The following THBS4 variants were observed in gnomAD, a reference collection of about 807,000 sequenced individuals.
The protein encoded by THBS4 is thrombospondin-4.
A neutral mutation model predicts 115.7 loss-of-function variants in THBS4; 90 were observed. The observed-to-expected ratio is 0.78, with a 90% CI of 0.66 to 0.93. The LOEUF is 0.93. THBS4 is among the 40% of genes least tolerant of loss of function. The pLI, the probability that THBS4 is intolerant of heterozygous loss-of-function variation, is 0.00. For synonymous variants in THBS4, 460 were observed against 479.3 expected (o/e 0.96, Z 0.53); for missense variants, 1,087 against 1,232.7 (o/e 0.88, Z 1.77).
chr5:80,068,422 G>A, intron 10 of THBS4: 1 of 331,352 alleles, frequency 3.0e-6, no homozygotes, highest in Non-Finnish European at 5.6e-6. Flanking sequence ...TCTATGGAAA[G>A]GCCCAGAAGC....
intron 2 of THBS4, among the ~76,000 whole-genome samples, chr5:80,042,780 A>G (rs1345144203): frequency 6.6e-6 from 1 of 152,146 alleles, no homozygotes; most frequent in African/African-American, 2.4e-5. Context: ...AGCATGGCCA[A>G]CATGGAGAAA....
chr5:79,993,511 A>T (rs1831730529), intron 1 of THBS4, among the ~76,000 whole-genome samples: 1 of 152,208 alleles, frequency 6.6e-6, no homozygotes, highest in East Asian at 1.9e-4. Flanking sequence ...TCAGATTCCT[A>T]CCGGGAAGAA....
intron 2 of THBS4, among the ~76,000 whole-genome samples, chr5:80,007,555 A>G (rs1321702154): frequency 6.6e-6 from 1 of 152,256 alleles, no homozygotes; most frequent in Non-Finnish European, 1.5e-5. Flanking sequence ...TCCTGTCTGC[A>G]GAACGTGGCT....
At chr5:80,004,096 A>T (rs1047763850) in intron 2 of THBS4, among the ~76,000 whole-genome samples, 1 of 152,182 alleles carries the variant, frequency 6.6e-6, no homozygotes, top group Non-Finnish European at 1.5e-5. Context: ...TCCTAGTCAG[A>T]TTCCTCAGTT....
At position 80,070,809 on chromosome 5, in the gene THBS4, G is replaced by A. The variant is rs17882708; in HGVS notation, c.1560+59G>A. 4.0e-3 allele frequency: 6,378 copies of A among 1,590,236 alleles called. 206 individuals carry two copies. In the African/African-American group the frequency reaches 0.067, roughly 17 times the overall value. On this transcript the variant is annotated intron_variant, in intron 12 of 21. Transcript: ENST00000350881. ...CACGTACCAGGGATGATGGGAGAAA[G>A]CCTGTGATGTCAACTATGTATATGA...
rs1180052773 is a variant in THBS4 at position 80,078,109 on chromosome 5, T to C, written c.2147T>C (p.Ile716Thr). 6.2e-7 allele frequency: 1 copy of C among 1,611,296 alleles called. No homozygotes were observed. The highest frequency in any genetic ancestry group is 8.5e-7 in the Non-Finnish European group (1 of 1,178,210). The change falls in exon 17 of 22, where the codon ATC (isoleucine) becomes ACC (threonine). Residue 716 changes from isoleucine to threonine, a missense_variant. Ile to Thr is a moderately conservative substitution (Grantham distance 89, BLOSUM62 -1). Around this residue, in one of 3 missense-constraint regions of THBS4, gnomAD observed 979 missense variants for 1,103.7 expected, o/e 0.89. Transcript: ENST00000350881. ...DFDQDQVIDR[I>T]DVCPENAEVT... ...GACCAGGACCAGGTCATCGATCGGATCGACGTCTGCCCAGAGAACGCAGAG... is the reference window on the plus strand; with the variant it reads ...GACCAGGACCAGGTCATCGATCGGACCGACGTCTGCCCAGAGAACGCAGAG...
rs774621535 is a variant in THBS4 at position 80,068,106 on chromosome 5, AG to A, written c.1333del (p.Asp445MetfsTer2). 2.5e-6 allele frequency: 4 copies of A among 1,614,066 alleles called. No homozygotes were observed. The South Asian group carries it at 4.4e-5, about 18-fold the overall frequency. ...AATGCCCAGTGCATTGAAGAGAGGC[AG>A]GGGGATGTGACATGTGTGGTAAGTT... The part of the protein sequence containing the change: ...SVNAQCIEER[Q>X]GDVTCVCGVG... On this transcript the variant is annotated frameshift_variant, in exon 10 of 22. Coordinates refer to ENST00000350881, the MANE Select transcript of THBS4 (RefSeq NM_003248.6). LOFTEE classifies it high-confidence loss of function.
chr5:80,026,055 A>C (rs1285469873), intron 2 of THBS4, among the ~76,000 whole-genome samples: 1 of 152,242 alleles, frequency 6.6e-6, no homozygotes. Context: ...TACCAATGGA[A>C]TTTAACGTTC....
intron 2 of THBS4, among the ~76,000 whole-genome samples, chr5:80,040,748 T>G (rs903119009): frequency 6.6e-6 from 1 of 152,204 alleles, no homozygotes; most frequent in Non-Finnish European, 1.5e-5. Flanking sequence ...TACCGGAGAC[T>G]GGGTAATTTA....
chr5:80,073,320 C>T lies in THBS4; in HGVS notation c.1885C>T (p.Gln629Ter), dbSNP rs745310807. 9.3e-6 allele frequency: 15 copies of T among 1,613,516 alleles called. No individual in the cohort carries two copies. The East Asian group carries it at 2.7e-4, about 29-fold the overall frequency. ...DLVGDSCDTN[Q>*]DSDGDGHQDS... ...GGTTGGGGACTCCTGTGACACCAAT[C>T]AGGACAGGTATGGCATGTCTCCCAA... The change falls in exon 15 of 22, where the codon CAG becomes TAG. Residue 629 changes from glutamine (Q) to a stop codon, truncating the protein, a stop_gained. Transcript: ENST00000350881. LOFTEE classifies it high-confidence loss of function.
intron 2 of THBS4, among the ~76,000 whole-genome samples, chr5:80,003,719 C>T (rs922341528): frequency 1.3e-5 from 2 of 152,224 alleles, no homozygotes; most frequent in Non-Finnish European, 2.9e-5. Flanking sequence ...GAAGCAGATG[C>T]CTTCGCCAAA....
In THBS4 at chr5:80,035,551, G is replaced by A. The variant is rs762556040; in HGVS notation, c.14G>A (p.Arg5His). The A allele has an allele frequency of 7.1e-6, 10 of 1,411,566 alleles. No individual in the cohort carries two copies. In the African/African-American group the frequency reaches 8.9e-5, roughly 13 times the overall value. The allele number at this position is 1,411,566 out of a possible 1,614,324, so 87.4% of individuals were successfully genotyped here. A position where few individuals can be genotyped will look rare whatever the true frequency, so the allele number is the denominator to read the frequency against. The change falls in exon 1 of 22, where the codon CGC becomes CAC. Residue 5 changes from arginine to histidine, a missense_variant. Physicochemically the swap from Arg to His is conservative, Grantham distance 29. This residue lies in a region of THBS4 where 979 missense variants were observed against 1,103.7 expected (regional missense o/e 0.89). Coordinates refer to ENST00000350881, the MANE Select transcript of THBS4 (RefSeq NM_003248.6). This position sits in a 1 kb window ranked among gnomAD's most constrained non-coding sequence, Gnocchi z 4.6. ...GGAAGAGCCAACATGCTGGCCCCGCGCGGAGCCGCCGTCCTCCTGCTGCAC... is the reference window on the plus strand; with the variant it reads ...GGAAGAGCCAACATGCTGGCCCCGCACGGAGCCGCCGTCCTCCTGCTGCAC... MLAP[R>H]GAAVLLLHLV...
chr5:80,035,549 G>A lies in THBS4; in HGVS notation c.12G>A (p.Pro4=). 7.1e-7 allele frequency: 1 copy of A among 1,410,110 alleles called. No homozygotes were observed. The highest frequency in any genetic ancestry group is 9.2e-7 in the Non-Finnish European group (1 of 1,081,698). The allele number at this position is 1,410,110 out of a possible 1,614,324, so 87.3% of individuals were successfully genotyped here. Residue 4 remains proline (P), a synonymous_variant, in exon 1 of 22, where the codon CCG becomes CCA. Transcript: ENST00000350881. This position sits in a 1 kb window ranked among gnomAD's most constrained non-coding sequence, Gnocchi z 4.6. The stretch of plus-strand genomic sequence containing the variant: ...CAGGAAGAGCCAACATGCTGGCCCC[G>A]CGCGGAGCCGCCGTCCTCCTGCTGC... MLA[P]RGAAVLLLHL...
chr5:80,072,008 GCCATCATGAT>G (rs1264935899), intron 13 of THBS4: 11 of 395,512 alleles, frequency 2.8e-5, no homozygotes, highest in Admixed American at 1.1e-4. Flanking sequence ...CAGCCATACA[GCCATCATGAT>G]CCCCTCCTCG....
Position 80,065,451 on chromosome 5 carries a change from C to A in THBS4, c.1168C>A (p.Pro390Thr). 1 of 1,613,734 alleles carries A rather than the reference C, an allele frequency of 6.2e-7. No homozygotes were observed. The highest frequency in any genetic ancestry group is 1.1e-5 in the South Asian group (1 of 91,012). The part of the protein sequence containing the change: ...IDECRNGACV[P>T]NSICVNTLGS... Reference sequence around the variant, plus strand: ...TGAGTGTCGAAATGGAGCGTGCGTTCCCAACTCGATCTGCGTTAATACTTT... The same window carrying A: ...TGAGTGTCGAAATGGAGCGTGCGTTACCAACTCGATCTGCGTTAATACTTT... The change falls in exon 9 of 22, where the codon CCC becomes ACC. Residue 390 changes from proline to threonine, a missense_variant. Coordinates refer to ENST00000350881, the MANE Select transcript of THBS4 (RefSeq NM_003248.6).
At chr5:80,017,823 CTCTTAT>C (rs1165389218) in intron 2 of THBS4, among the ~76,000 whole-genome samples, 5 of 152,062 alleles carry the variant, frequency 3.3e-5, no homozygotes, top group African/African-American at 7.2e-5. Flanking sequence ...TTTTATTTTA[CTCTTAT>C]TCTTAAACGA....
chr5:80,059,975 A>T, intron 7 of THBS4, 70 bp downstream of exon 7: 1 of 1,487,134 alleles, frequency 6.7e-7, no homozygotes, highest in South Asian at 1.2e-5. Context: ...TGGAAAAAGA[A>T]GCCAAGCTGA....
chr5:80,046,770 T>C (rs1833080930), intron 2 of THBS4, among the ~76,000 whole-genome samples: 1 of 152,236 alleles, frequency 6.6e-6, no homozygotes, highest in South Asian at 2.1e-4. Flanking sequence ...GCTAAGTCAC[T>C]GTATAGCAAA....
Position 80,018,389 on chromosome 5 carries a change from CTT to C in THBS4, n.177+19983_177+19984del, listed in dbSNP as rs35373315. Among the ~76,000 whole-genome samples the C allele has an allele frequency of 1.2e-3, 115 of 99,958 alleles. 1 individual carries two copies. The highest frequency in any genetic ancestry group is 8.3e-3 in the Middle Eastern group (1 of 120). The allele number at this position is 99,958 out of a possible 152,430, so 65.6% of individuals were successfully genotyped here. On this transcript the variant is annotated intron_variant and non_coding_transcript_variant, in intron 2 of 3. Transcript: ENST00000510218. ...TTACAGAAGTTCCAGTTCAAATATACTTTTTTTTTTTTTTTTTTTTTTGAGAC... is the reference window on the plus strand; with the variant it reads ...TTACAGAAGTTCCAGTTCAAATATACTTTTTTTTTTTTTTTTTTTTGAGAC...
Sources: allele counts gnomAD v4.1 joint callset (sites outside exome capture counted in the v4.1 genomes callset), GRCh38; gene constraint gnomAD v4.1.1; regional missense constraint gnomAD v4.1.1; non-coding constraint Gnocchi (gnomAD v3.1); transcripts MANE v1.5; gene names NCBI Gene and HGNC (gene_info 2026-07-23, HGNC 2026-07-21).